The following GRIK3 variants were observed in gnomAD, a reference collection of about 807,000 sequenced individuals.
GRIK3 encodes glutamate receptor ionotropic, kainate 3.
A neutral mutation model predicts 102.5 loss-of-function variants in GRIK3; 29 were observed. The observed-to-expected ratio is 0.28, with a 90% CI of 0.21 to 0.39. The LOEUF is 0.39. Among genes scored for constraint, GRIK3 ranks in the 10% least tolerant of loss-of-function variants. The pLI, the probability that GRIK3 is intolerant of heterozygous loss-of-function variation, is 1.00. For synonymous variants in GRIK3, 511 were observed against 504.9 expected, an observed-to-expected ratio of 1.01 and a Z score of -0.16; for missense variants, 908 against 1,252.4, an observed-to-expected ratio of 0.73 and a Z score of 4.15.
chr1:36,875,999 C>T (rs1288268694), intron 3 of GRIK3, among the ~76,000 whole-genome samples: 1 of 152,114 alleles, frequency 6.6e-6, no homozygotes, highest in Non-Finnish European at 1.5e-5. Context: ...TAGGTATGGA[C>T]CCAGTGAGCT....
chr1:36,817,072 C>T lies in GRIK3; in HGVS notation c.2079G>A (p.Met693Ile). ...GAGAGGGCCTCACCTTGAAGAAGGT[C>T]ATGGTGGCCCCATCCTTGACAGCCC... ...EYGAVKDGAT[M>I]TFFKKSKIST... The change falls in exon 13 of 16, where the codon ATG (methionine) becomes ATA (isoleucine). Residue 693 changes from methionine (M) to isoleucine (I), a missense_variant. Around this residue, in one of 3 missense-constraint regions of GRIK3, gnomAD observed 297 missense variants for 362.7 expected, o/e 0.82. Coordinates refer to ENST00000373091, the MANE Select transcript of GRIK3 (RefSeq NM_000831.4). 1.9e-6 allele frequency: 3 copies of T among 1,613,146 alleles called. No individual in the cohort carries two copies. Among genetic ancestry groups the T allele is most frequent in the Non-Finnish European group, 2.5e-6 (3 of 1,179,108 alleles).
intron 1 of GRIK3, among the ~76,000 whole-genome samples, chr1:36,903,042 G>A (rs1481039673): frequency 1.3e-5 from 2 of 152,012 alleles, no homozygotes; most frequent in Admixed American, 6.6e-5. Flanking sequence ...TGTCTGCCTC[G>A]GCCTCCCAAA....
At chr1:36,882,728 T>A (rs1640995877) in intron 2 of GRIK3, among the ~76,000 whole-genome samples, 1 of 152,078 alleles carries the variant, frequency 6.6e-6, no homozygotes, top group Admixed American at 6.5e-5. Context: ...TTCAAGGAAG[T>A]AACAGCTGGA....
chr1:36,864,692 GT>G (rs1640763582), intron 5 of GRIK3, among the ~76,000 whole-genome samples: 1 of 152,230 alleles, frequency 6.6e-6, no homozygotes, highest in African/African-American at 2.4e-5. Context: ...TGGGGTGGTA[GT>G]GATTGGGATG....
intron 9 of GRIK3, among the ~76,000 whole-genome samples, chr1:36,843,883 T>G (rs944729911): frequency 1.3e-5 from 2 of 152,250 alleles, no homozygotes; most frequent in Non-Finnish European, 2.9e-5. Context: ...ATGCCCAGAT[T>G]AAGGCACATG....
intron 9 of GRIK3, among the ~76,000 whole-genome samples, chr1:36,847,098 G>A (rs566777163): frequency 6.6e-6 from 1 of 152,344 alleles, no homozygotes; most frequent in South Asian, 2.1e-4. Flanking sequence ...CAGGCCATGT[G>A]AGTATTTGAT....
chr1:36,970,000 G>A (rs945376198), intron 1 of GRIK3, among the ~76,000 whole-genome samples: 4 of 152,226 alleles, frequency 2.6e-5, no homozygotes, highest in Non-Finnish European at 5.9e-5. Flanking sequence ...CAATGGCAGT[G>A]TGAAGGGCAA....
intron 1 of GRIK3, among the ~76,000 whole-genome samples, chr1:36,911,980 G>A (rs1353498598): frequency 6.6e-6 from 1 of 152,038 alleles, no homozygotes; most frequent in African/African-American, 2.4e-5. Flanking sequence ...CAGCAGAAAG[G>A]ACAACTCCCT....
chr1:36,869,329 C>T (rs1481187716), intron 5 of GRIK3, among the ~76,000 whole-genome samples: 5 of 152,116 alleles, frequency 3.3e-5, no homozygotes, highest in Admixed American at 1.3e-4. Flanking sequence ...GGCTAGGAAC[C>T]GAGGGCCATG....
chr1:36,796,627 CTG>C lies in GRIK3; in HGVS notation c.*5222_*5223del, dbSNP rs991368930. ...GATCAGTAACAGGGGCATGGGAACA[CTG>C]TATCGGCATGCTGGCCATGCCCTGG... is the stretch of plus-strand genomic sequence containing the variant. On this transcript the variant is annotated 3_prime_UTR_variant, in exon 16 of 16. Transcript: ENST00000373091. 13 of 152,388 alleles carry C rather than the reference CTG, an allele frequency of 8.5e-5. No individual in the cohort carries two copies. Among genetic ancestry groups the C allele is most frequent in the African/African-American group, 3.1e-4 (13 of 41,556 alleles). The allele number at this position is 152,388 out of a possible 1,614,324, so 9.4% of individuals were successfully genotyped here.
At chr1:37,018,850 A>T (rs569460374) in intron 1 of GRIK3, among the ~76,000 whole-genome samples, 3 of 152,286 alleles carry the variant, frequency 2.0e-5, no homozygotes, top group Non-Finnish European at 4.4e-5. Context: ...CAATTTTTTT[A>T]AAAAAGAAAA....
rs939889662 is a variant in GRIK3, at chr1:36,817,027, C to T, written c.2091+33G>A. 3.4e-6 allele frequency: 5 copies of T among 1,455,508 alleles called. No individual in the cohort carries two copies. In the East Asian group the frequency reaches 9.1e-5, roughly 26 times the overall value. 90.2% of individuals were successfully genotyped at this position (1,455,508 alleles called of 1,614,324 possible). The stretch of plus-strand genomic sequence containing the variant: ...GTAAAGGGTCCGGAGAGGATCAGCT[C>T]ACGGTGCTGCAATAGGAGGGAGAGG... On this transcript the variant is annotated intron_variant, in intron 13 of 15. Coordinates refer to ENST00000373091, the MANE Select transcript of GRIK3 (RefSeq NM_000831.4).
chr1:36,996,805 C>T (rs778523597), intron 1 of GRIK3, among the ~76,000 whole-genome samples: 4 of 152,270 alleles, frequency 2.6e-5, no homozygotes, highest in Non-Finnish European at 4.4e-5. Context: ...TCCCCAGCTC[C>T]GCATATCCAA....
rs1640699470 is a variant in GRIK3, at chr1:36,859,840, T to C, written c.960+4A>G. 2 of 1,612,340 alleles carry C rather than the reference T, an allele frequency of 1.2e-6. No homozygotes were observed. Among genetic ancestry groups the C allele is most frequent in the Non-Finnish European group, 1.7e-6 (2 of 1,178,542 alleles). On this transcript the variant is annotated splice_donor_region_variant and intron_variant, in intron 6 of 15. Transcript: ENST00000373091. ...CTGGAATTCACCTCACCCAGCCGCC[T>C]TACCATCATCACTCCATCCAGCAGG...
At chr1:36,808,389 C>T (rs1271234917) in intron 13 of GRIK3, among the ~76,000 whole-genome samples, 1 of 152,192 alleles carries the variant, frequency 6.6e-6, no homozygotes, top group African/African-American at 2.4e-5. Context: ...TAACTCTCCA[C>T]AAAAGTGATG....
chr1:36,956,444 G>A (rs1200936433), intron 1 of GRIK3, among the ~76,000 whole-genome samples: 1 of 152,252 alleles, frequency 6.6e-6, no homozygotes, highest in Non-Finnish European at 1.5e-5. Flanking sequence ...GCAGCATTCC[G>A]CATGCCCACC....
intron 1 of GRIK3, among the ~76,000 whole-genome samples, chr1:37,006,866 G>A (rs575772669): frequency 6.6e-6 from 1 of 152,218 alleles, no homozygotes; most frequent in South Asian, 2.1e-4. Context: ...AGAAAATTGA[G>A]GCCTGGGAGG....
At chr1:36,835,996 C>A (rs116644725) in intron 10 of GRIK3, among the ~76,000 whole-genome samples, 1 of 152,204 alleles carries the variant, frequency 6.6e-6, no homozygotes, top group Non-Finnish European at 1.5e-5. Flanking sequence ...TTGCTCTGGG[C>A]AACCTGGCTG....
intron 11 of GRIK3, among the ~76,000 whole-genome samples, chr1:36,823,437 G>A (rs928685132): frequency 3.2e-5 from 4 of 124,092 alleles, no homozygotes; most frequent in East Asian, 2.4e-4. Flanking sequence ...TCATGCCACT[G>A]CACTCCAGCT....
Sources: allele counts gnomAD v4.1 joint callset (sites outside exome capture counted in the v4.1 genomes callset), GRCh38; gene constraint gnomAD v4.1.1; regional missense constraint gnomAD v4.1.1; transcripts MANE v1.5; gene names NCBI Gene and HGNC (gene_info 2026-07-23, HGNC 2026-07-21).